PREP: variants seen among roughly 807,000 people sequenced by gnomAD.
PREP encodes prolyl endopeptidase, also known as dJ355L5.1 (prolyl endopeptidase).
Under a neutral mutation model 87.6 loss-of-function variants are expected in PREP, and 29 were observed. The observed-to-expected ratio is 0.33, with a 90% CI of 0.25 to 0.45. The LOEUF (loss-of-function observed/expected upper bound fraction) is 0.45, where lower values mean the gene tolerates loss of function less well. PREP is among the 20% of genes least tolerant of loss of function. The pLI, the probability that PREP is intolerant of heterozygous loss-of-function variation, is 1.00. For missense variants in PREP, 695 were observed against 886.5 expected, an observed-to-expected ratio of 0.78 and a Z score of 2.74; for synonymous variants, 337 against 328.6, an observed-to-expected ratio of 1.03 and a Z score of -0.28.
intron 6 of PREP, among the ~76,000 whole-genome samples, chr6:105,358,784 G>A (rs145208265): frequency 6.6e-6 from 1 of 152,054 alleles, no homozygotes; most frequent in Non-Finnish European, 1.5e-5. Flanking sequence ...AATCAAGGTC[G>A]TCAATGAAAG....
At chr6:105,289,829 C>T (rs1770258938) in intron 10 of PREP, among the ~76,000 whole-genome samples, 1 of 152,148 alleles carries the variant, frequency 6.6e-6, no homozygotes, top group Admixed American at 6.5e-5. Flanking sequence ...ACGTTCCAGT[C>T]ATGGGCATAA....
At chr6:105,296,518 TGTC>T (rs1190191137) in intron 10 of PREP, among the ~76,000 whole-genome samples, 1 of 152,110 alleles carries the variant, frequency 6.6e-6, no homozygotes, top group Non-Finnish European at 1.5e-5. Context: ...TAAAAATATT[TGTC>T]TATAATTTCA....
chr6:105,360,267 T>G (rs1772212874), intron 6 of PREP, among the ~76,000 whole-genome samples: 1 of 152,176 alleles, frequency 6.6e-6, no homozygotes, highest in East Asian at 1.9e-4. Flanking sequence ...TCATTTCTAG[T>G]CATTGAGAAA....
At chr6:105,339,541 C>A (rs547322287) in intron 7 of PREP, among the ~76,000 whole-genome samples, 1 of 152,108 alleles carries the variant, frequency 6.6e-6, no homozygotes, top group Non-Finnish European at 1.5e-5. Flanking sequence ...ATGACTTTGA[C>A]GAGTTGAGAG....
At chr6:105,362,400 G>A (rs983229272) in intron 6 of PREP, among the ~76,000 whole-genome samples, 10 of 152,220 alleles carry the variant, frequency 6.6e-5, no homozygotes, top group African/African-American at 1.4e-4. Flanking sequence ...GATGGAGGTC[G>A]CAGGGAGCCA....
Position 105,281,873 on chromosome 6 carries a change from A to G in PREP, c.1711T>C (p.Phe571Leu). The change falls in exon 14 of 15, where the codon TTT (phenylalanine) becomes CTT (leucine). Residue 571 changes from phenylalanine (F) to leucine (L), a missense_variant. By Grantham distance (22) the Phe-to-Leu change is conservative. Transcript: ENST00000652536. Reference protein sequence around the residue: ...AACANQRPDLFGCVIAQVGVM... With the variant: ...AACANQRPDLLGCVIAQVGVM... ...CCAACTTGGGCAATAACACAACCAAAGAGGTCAGGTCTCTGATTTGCACAA... is the reference window on the plus strand; with the variant it reads ...CCAACTTGGGCAATAACACAACCAAGGAGGTCAGGTCTCTGATTTGCACAA... The G allele has an allele frequency of 6.2e-7, 1 of 1,614,196 alleles. No homozygotes were observed. Among genetic ancestry groups the G allele is most frequent in the Middle Eastern group, 1.6e-4 (1 of 6,062 alleles).
chr6:105,314,288 T>G (rs929536053), intron 10 of PREP, among the ~76,000 whole-genome samples: 2 of 152,224 alleles, frequency 1.3e-5, no homozygotes, highest in Admixed American at 1.3e-4. Flanking sequence ...GGGGTTGCTG[T>G]GGCAATTTCT....
chr6:105,371,497 T>C (rs1445898625), intron 5 of PREP, among the ~76,000 whole-genome samples: 4 of 69,166 alleles, frequency 5.8e-5, no homozygotes, highest in South Asian at 5.9e-4. Context: ...TGAGATTCCA[T>C]CTCAAAAAAA....
At chr6:105,398,631 G>T (rs959149220) in intron 1 of PREP, among the ~76,000 whole-genome samples, 9 of 152,150 alleles carry the variant, frequency 5.9e-5, no homozygotes, top group Non-Finnish European at 1.3e-4. Context: ...ACTGCTTAGT[G>T]TAAGTAGAAC....
chr6:105,282,997 CGGAGCT>C (rs1583033904), intron 12 of PREP, among the ~76,000 whole-genome samples: 1 of 152,210 alleles, frequency 6.6e-6, no homozygotes, highest in African/African-American at 2.4e-5. Flanking sequence ...GCACCCGAGC[CGGAGCT>C]GGCTGTGGGA....
chr6:105,377,270 A>C, intron 3 of PREP, 116 bp downstream of exon 3: 1 of 1,203,972 alleles, frequency 8.3e-7, no homozygotes, highest in Non-Finnish European at 1.2e-6. Context: ...ATAGAAATTA[A>C]TTCCTTATAA....
At chr6:105,302,675 G>A in intron 10 of PREP, 1 of 483,958 alleles carries the variant, frequency 2.1e-6, no homozygotes, top group South Asian at 1.7e-5. Flanking sequence ...ATGGAATTGT[G>A]GATGACACGG....
At chr6:105,352,947 ATC>A in intron 7 of PREP, 23 bp downstream of exon 7, 1 of 1,562,314 alleles carries the variant, frequency 6.4e-7, no homozygotes, top group South Asian at 1.1e-5. Flanking sequence ...TGGAATAACT[ATC>A]TGTGTCTGAA....
At chr6:105,292,714 T>G (rs1419632131) in intron 10 of PREP, among the ~76,000 whole-genome samples, 2 of 152,228 alleles carry the variant, frequency 1.3e-5, no homozygotes, top group East Asian at 1.9e-4. Flanking sequence ...CTTCTCCCAA[T>G]ATAAGGCTGT....
At chr6:105,336,909 T>G (rs1771497260) in intron 7 of PREP, among the ~76,000 whole-genome samples, 1 of 152,196 alleles carries the variant, frequency 6.6e-6, no homozygotes, top group South Asian at 2.1e-4. Flanking sequence ...TAATTATCGC[T>G]TTGGCTGTGT....
intron 9 of PREP, among the ~76,000 whole-genome samples, chr6:105,325,623 C>A (rs747910466): frequency 6.6e-6 from 1 of 152,164 alleles, no homozygotes; most frequent in Non-Finnish European, 1.5e-5. Flanking sequence ...GGTACTGGCA[C>A]TTAATATATT....
intron 7 of PREP, among the ~76,000 whole-genome samples, chr6:105,345,884 G>C (rs1167527868): frequency 1.3e-5 from 2 of 152,142 alleles, no homozygotes; most frequent in Non-Finnish European, 2.9e-5. Flanking sequence ...CTCAGAACCT[G>C]ACACACAGGA....
intron 2 of PREP, among the ~76,000 whole-genome samples, chr6:105,381,379 A>G (rs933824797): frequency 6.6e-6 from 1 of 152,228 alleles, no homozygotes; most frequent in African/African-American, 2.4e-5. Context: ...TTGGTCATTT[A>G]TGTATTTAAC....
intron 10 of PREP, among the ~76,000 whole-genome samples, chr6:105,307,608 T>TC (rs1474240870): frequency 6.6e-6 from 1 of 152,210 alleles, no homozygotes; most frequent in African/African-American, 2.4e-5. Context: ...AGCAATGTTT[T>TC]CACTCAGTCA....
Sources: gnomAD v4.1 joint callset for allele counts (sites outside exome capture counted in the v4.1 genomes callset) on GRCh38, gnomAD v4.1.1 for gene constraint, MANE v1.5 for transcripts, NCBI Gene and HGNC (gene_info 2026-07-23, HGNC 2026-07-21) for gene names.